TNR: variants seen among roughly 807,000 people sequenced by gnomAD.
TNR encodes the protein tenascin R.
TNR carries 45 observed loss-of-function variants against 150.4 expected under a neutral mutation model. The observed-to-expected ratio is 0.30, with a 90% CI of 0.24 to 0.38. The LOEUF is 0.38. Ranked by LOEUF, TNR falls within the 10% of genes least tolerant of loss-of-function variation. TNR has a pLI of 1.00. For missense variants in TNR, 1,544 were observed against 1,759.1 expected, an observed-to-expected ratio of 0.88 and a Z score of 2.19; for synonymous variants, 687 against 678.4, an observed-to-expected ratio of 1.01 and a Z score of -0.20.
intron 1 of TNR, among the ~76,000 whole-genome samples, chr1:175,648,385 T>C (rs1664864724): frequency 6.6e-6 from 1 of 152,178 alleles, no homozygotes; most frequent in South Asian, 2.1e-4. Flanking sequence ...AAGTTAATTA[T>C]GGGAACACAG....
chr1:175,458,785 A>G (rs1339673797), intron 2 of TNR, among the ~76,000 whole-genome samples: 2 of 152,236 alleles, frequency 1.3e-5, no homozygotes, highest in Non-Finnish European at 2.9e-5. Flanking sequence ...GAGGTGTCCT[A>G]TTCCTTAAGA....
chr1:175,494,389 G>A (rs149431999), intron 2 of TNR, among the ~76,000 whole-genome samples: 176 of 152,382 alleles, frequency 1.2e-3, no homozygotes, highest in African/African-American at 4.0e-3. Context: ...CGACAGTGAC[G>A]ATGCAACTCT....
At chr1:175,431,911 A>ATCTCTCTCTCTCTCTCTCTCTCTCCTTC (rs1553221254) in intron 2 of TNR, among the ~76,000 whole-genome samples, 3,114 of 136,382 alleles carry the variant, frequency 0.023, 152 homozygotes, top group African/African-American at 0.09. Context: ...GGACCATAAT[A>ATCTCTCTCTCTCTCTCTCTCTCTCCTTC]TCTCTCTCTC....
At chr1:175,412,884 C>T (rs902418303) in intron 2 of TNR, among the ~76,000 whole-genome samples, 3 of 152,198 alleles carry the variant, frequency 2.0e-5, no homozygotes, top group Non-Finnish European at 4.4e-5. Flanking sequence ...TGTTGCTAAG[C>T]TCATGTCACT....
At chr1:175,507,623 C>T (rs1339599708) in intron 2 of TNR, among the ~76,000 whole-genome samples, 15 of 152,102 alleles carry the variant, frequency 9.9e-5, no homozygotes, top group Admixed American at 9.8e-4. Context: ...CTTGCTCTCT[C>T]CTGTTTCTAT....
chr1:175,329,925 C>G, intron 21 of TNR, 149 bp downstream of exon 21: 1 of 888,816 alleles, frequency 1.1e-6, no homozygotes. Context: ...CCAGTGGTTC[C>G]CAGTGGCATG....
intron 1 of TNR, among the ~76,000 whole-genome samples, chr1:175,721,005 C>T (rs1233992699): frequency 1.3e-5 from 2 of 152,224 alleles, no homozygotes; most frequent in African/African-American, 4.8e-5. Flanking sequence ...GGAAGCAGAG[C>T]TACAGTGAGG....
intron 1 of TNR, among the ~76,000 whole-genome samples, chr1:175,740,168 T>C (rs1439961150): frequency 6.6e-6 from 1 of 152,232 alleles, no homozygotes; most frequent in African/African-American, 2.4e-5. Context: ...CTTGAAAGTC[T>C]AGGGTTTACA....
intron 2 of TNR, among the ~76,000 whole-genome samples, chr1:175,458,846 A>G (rs1656683781): frequency 6.6e-6 from 1 of 152,150 alleles, no homozygotes. Flanking sequence ...CACGGCCATT[A>G]TCACCATCAC....
chr1:175,547,760 G>A (rs1660770724), intron 1 of TNR, among the ~76,000 whole-genome samples: 3 of 152,208 alleles, frequency 2.0e-5, no homozygotes, highest in African/African-American at 7.2e-5. Flanking sequence ...AGGCACCAAA[G>A]TGTGACAGTG....
At chr1:175,715,495 G>T (rs1245439810) in intron 1 of TNR, among the ~76,000 whole-genome samples, 2 of 152,032 alleles carry the variant, frequency 1.3e-5, no homozygotes, top group Non-Finnish European at 2.9e-5. Flanking sequence ...GTGCACAGAT[G>T]CAGAATCCTG....
intron 2 of TNR, among the ~76,000 whole-genome samples, chr1:175,494,520 G>A (rs1389611813): frequency 6.6e-6 from 1 of 151,598 alleles, no homozygotes; most frequent in Non-Finnish European, 1.5e-5. Context: ...TACCTGGGGA[G>A]GACATGCTTT....
At chr1:175,350,698 T>C (rs906446427) in intron 18 of TNR, among the ~76,000 whole-genome samples, 14 of 151,958 alleles carry the variant, frequency 9.2e-5, no homozygotes, top group Middle Eastern at 6.8e-3. Flanking sequence ...TCAAAGGAGG[T>C]TTTTGAGGGT....
At chr1:175,547,286 A>C (rs1251455967) in intron 1 of TNR, among the ~76,000 whole-genome samples, 4 of 152,198 alleles carry the variant, frequency 2.6e-5, no homozygotes, top group Non-Finnish European at 4.4e-5. Flanking sequence ...TTGAAGCCAC[A>C]TGGCCCTGAA....
chr1:175,529,734 G>C (rs1378538237), intron 1 of TNR, among the ~76,000 whole-genome samples: 1 of 152,124 alleles, frequency 6.6e-6, no homozygotes, highest in Non-Finnish European at 1.5e-5. Context: ...CTTCTTCCAT[G>C]GAATTACAAC....
rs548185602 is a variant in TNR at position 175,599,587 on chromosome 1, G to A, written c.-164-71218C>T. Among the ~76,000 whole-genome samples, 5 of 152,328 alleles carry A rather than the reference G, an allele frequency of 3.3e-5. No individual in the cohort carries two copies. The East Asian group carries it at 7.7e-4, about 24-fold the overall frequency. ...GTCCCGCATCAGCGGTAATGGGGCC[G>A]GCCCACCCGGAGGCAGCCCGGAGCA... is the stretch of plus-strand genomic sequence containing the variant. On this transcript the variant is annotated intron_variant, in intron 1 of 22. Coordinates refer to ENST00000367674, the MANE Select transcript of TNR (RefSeq NM_003285.3). The surrounding 1 kb of genome is among the most constrained non-coding windows in gnomAD (Gnocchi z 4.7).
chr1:175,460,292 A>G (rs968918624), intron 2 of TNR, among the ~76,000 whole-genome samples: 1 of 152,084 alleles, frequency 6.6e-6, no homozygotes, highest in Admixed American at 6.5e-5. Flanking sequence ...GCTCTCTGCT[A>G]CCTTCTGCTA....
chr1:175,602,283 A>G (rs980859272), intron 1 of TNR, among the ~76,000 whole-genome samples: 19 of 150,066 alleles, frequency 1.3e-4, no homozygotes, highest in African/African-American at 4.7e-4. Context: ...ATTCCTCTCT[A>G]TATCACACTG....
Position 175,365,091 on chromosome 1 carries a change from G to C in TNR, c.2506C>G (p.Pro836Ala), listed in dbSNP as rs755431252. 1 of 1,614,066 alleles carries C rather than the reference G, an allele frequency of 6.2e-7. No individual in the cohort carries two copies. Among genetic ancestry groups the C allele is most frequent in the Non-Finnish European group, 8.5e-7 (1 of 1,180,004 alleles). The change falls in exon 12 of 23, where the codon CCA becomes GCA. Residue 836 changes from proline (P) to alanine (A), a missense_variant. Transcript: ENST00000367674. ...AGGTTCACAATATACTCTGTGGCTG[G>C]TTGCAGGCCCATCAGGACAGCATGC... ...KRHAVLMGLQ[P>A]ATEYIVNLVA...
Sources: gnomAD v4.1 joint callset for allele counts (sites outside exome capture counted in the v4.1 genomes callset) on GRCh38, gnomAD v4.1.1 for gene constraint, Gnocchi (gnomAD v3.1) non-coding constraint, MANE v1.5 for transcripts, NCBI Gene and HGNC (gene_info 2026-07-23, HGNC 2026-07-21) for gene names.